TFCP2L1: variants seen among roughly 807,000 people sequenced by gnomAD.
TFCP2L1 encodes the protein transcription factor CP2 like 1.
In TFCP2L1, 12 loss-of-function variants were observed where a neutral mutation model predicts 72.2. The observed-to-expected ratio is 0.17, with a 90% CI of 0.11 to 0.27. The LOEUF (loss-of-function observed/expected upper bound fraction) is 0.27, where lower values mean the gene tolerates loss of function less well. Among genes scored for constraint, TFCP2L1 ranks in the 10% least tolerant of loss-of-function variants. The pLI is 1.00. For missense variants in TFCP2L1, 488 were observed against 624.6 expected (o/e 0.78, Z 2.33); for synonymous variants, 260 against 251.0 (o/e 1.04, Z -0.34).
chr2:121,234,485 C>T (rs1277141260), intron 11 of TFCP2L1, among the ~76,000 whole-genome samples: 1 of 152,172 alleles, frequency 6.6e-6, no homozygotes, highest in African/African-American at 2.4e-5. Flanking sequence ...TCAGAACATG[C>T]GTAACTCATT....
chr2:121,230,202 G>A (rs767799012), intron 13 of TFCP2L1, among the ~76,000 whole-genome samples: 42 of 152,018 alleles, frequency 2.8e-4, no homozygotes, highest in Non-Finnish European at 4.3e-4. Flanking sequence ...ATGGAGTTTC[G>A]CTTTTGTTGC....
intron 2 of TFCP2L1, among the ~76,000 whole-genome samples, chr2:121,278,052 C>T (rs1273984635): frequency 6.1e-5 from 8 of 131,636 alleles, no homozygotes; most frequent in African/African-American, 1.7e-4. Flanking sequence ...TTTTTTGAGA[C>T]GGAGTCTCGC....
chr2:121,257,793 CAT>C (rs1686757292), intron 2 of TFCP2L1, among the ~76,000 whole-genome samples: 1 of 152,178 alleles, frequency 6.6e-6, no homozygotes, highest in East Asian at 1.9e-4. Flanking sequence ...TTGGAATTTT[CAT>C]ATAATTTTTC....
rs1188452245 is a variant in TFCP2L1 at position 121,246,824 on chromosome 2, C to T, written c.651G>A (p.Val217=). 2.5e-6 allele frequency: 4 copies of T among 1,614,080 alleles called. No homozygotes were observed. In the African/African-American group the frequency reaches 4.0e-5, roughly 16 times the overall value. ...HLHSASCQIK[V]FKPKGADRKQ... ...GCCTGCGAAGCCATCCTACCTTGAA[C>T]ACCTTGATCTGGCAGCTGGCTGAGT... Residue 217 remains valine, a synonymous_variant, in exon 6 of 15, where the codon GTG becomes GTA. Transcript: ENST00000263707.
Position 121,237,846 on chromosome 2 carries a change from C to A in TFCP2L1, c.865G>T (p.Ala289Ser), listed in dbSNP as rs201414273. 1.9e-6 allele frequency: 3 copies of A among 1,613,914 alleles called. No individual in the cohort carries two copies. The highest frequency in any genetic ancestry group is 4.5e-5 in the East Asian group (2 of 44,876). The change falls in exon 9 of 15, where the codon GCC (alanine) becomes TCC (serine). Residue 289 changes from alanine to serine, a missense_variant. Coordinates refer to ENST00000263707, the MANE Select transcript of TFCP2L1 (RefSeq NM_014553.3). ...GCCTCCACCGGGTGGGTCGGAGAGG[C>A]GTTGCTGCAAGGAAAAGGAACCAGT... Reference protein sequence around the residue: ...PNSFGLGEGNASPTHPVEALP... With the variant: ...PNSFGLGEGNSSPTHPVEALP...
At chr2:121,278,717 G>T (rs190455627) in intron 2 of TFCP2L1, among the ~76,000 whole-genome samples, 1 of 146,784 alleles carries the variant, frequency 6.8e-6, no homozygotes, top group Non-Finnish European at 1.5e-5. Flanking sequence ...AAACACCTAG[G>T]GGGTGGCCAG....
At chr2:121,278,796 G>C (rs545769089) in intron 2 of TFCP2L1, among the ~76,000 whole-genome samples, 1 of 151,830 alleles carries the variant, frequency 6.6e-6, no homozygotes, top group Non-Finnish European at 1.5e-5. Context: ...TTGAGGCCAG[G>C]AGTTCAAGAC....
chr2:121,234,973 C>T (rs1374055770), intron 11 of TFCP2L1, among the ~76,000 whole-genome samples: 3 of 152,260 alleles, frequency 2.0e-5, no homozygotes, highest in African/African-American at 7.2e-5. Flanking sequence ...CTCGTCCAAC[C>T]AAGAAGAGGG....
intron 1 of TFCP2L1, 74 bp downstream of exon 1, chr2:121,284,974 C>T (rs1687337977): frequency 1.5e-6 from 2 of 1,327,536 alleles, no homozygotes; most frequent in Non-Finnish European, 9.7e-7. Flanking sequence ...GCCCCCTCTC[C>T]GCCCCTGGAC....
rs1686560770 is a variant in TFCP2L1 at position 121,249,478 on chromosome 2, C to T, written c.291+93G>A. 4.1e-6 allele frequency: 5 copies of T among 1,214,732 alleles called. No homozygotes were observed. In the Admixed American group the frequency reaches 8.8e-5, roughly 21 times the overall value. 75.2% of individuals were successfully genotyped at this position (1,214,732 alleles called of 1,614,324 possible). A position where few individuals can be genotyped will look rare whatever the true frequency, so the allele number is the denominator to read the frequency against. ...TGAACCCGGCCTCTCCCTAACCTTC[C>T]AGCTACCCGTGCCCAACCCCAGCAA... On this transcript the variant is annotated intron_variant, in intron 3 of 14. Transcript: ENST00000263707.
rs1686273959 is a variant in TFCP2L1, at chr2:121,237,474, G to T, written c.1003+149C>A. The T allele has an allele frequency of 4.7e-6, 4 of 851,834 alleles. 1 individual carries two copies. The South Asian group carries it at 6.5e-5, about 14-fold the overall frequency. 52.8% of individuals were successfully genotyped at this position (851,834 alleles called of 1,614,324 possible). A position where few individuals can be genotyped will look rare whatever the true frequency, so the allele number is the denominator to read the frequency against. On this transcript the variant is annotated intron_variant, in intron 10 of 14. Transcript: ENST00000263707. ...TGTCCAGCACTTGGCCCAGGGTTGG[G>T]GCACGTGAGCGAGCGAACCCACACT...
intron 7 of TFCP2L1, among the ~76,000 whole-genome samples, chr2:121,242,015 G>A (rs1024904794): frequency 6.7e-6 from 1 of 148,152 alleles, no homozygotes; most frequent in Non-Finnish European, 1.5e-5. Flanking sequence ...GGCACTGGGA[G>A]GGATATTTTC....
chr2:121,273,749 G>A (rs1468717785), intron 2 of TFCP2L1, among the ~76,000 whole-genome samples: 1 of 152,180 alleles, frequency 6.6e-6, no homozygotes, highest in Non-Finnish European at 1.5e-5. Context: ...GAATAATGCA[G>A]TAACTACCAT....
chr2:121,284,388 C>G (rs569150818), intron 1 of TFCP2L1, among the ~76,000 whole-genome samples: 1 of 152,340 alleles, frequency 6.6e-6, no homozygotes, highest in Non-Finnish European at 1.5e-5. Flanking sequence ...TAAGAGGGGC[C>G]TGTGGGGAAC....
intron 9 of TFCP2L1, 24 bp downstream of exon 9, chr2:121,237,778 A>G (rs369112431): frequency 1.9e-6 from 3 of 1,614,014 alleles, no homozygotes; most frequent in Non-Finnish European, 2.5e-6. Context: ...ACCACCAGCC[A>G]GAAAGCCCTG....
At chr2:121,227,720 T>TACGCGC (rs1553431253) in intron 13 of TFCP2L1, among the ~76,000 whole-genome samples, 2 of 147,314 alleles carry the variant, frequency 1.4e-5, no homozygotes, top group African/African-American at 5.0e-5. Context: ...AAACATACAA[T>TACGCGC]ACACACACAC....
At chr2:121,281,382 G>T in intron 1 of TFCP2L1, 111 bp from the exon 2 acceptor site, 1 of 1,252,504 alleles carries the variant, frequency 8.0e-7, no homozygotes, top group Non-Finnish European at 1.1e-6. Context: ...GGGTGACACG[G>T]CACGCGCATC....
At chr2:121,244,291 C>T (rs992021509) in intron 6 of TFCP2L1, among the ~76,000 whole-genome samples, 2 of 152,234 alleles carry the variant, frequency 1.3e-5, no homozygotes, top group African/African-American at 4.8e-5. Flanking sequence ...ACCCCACACA[C>T]AGTCCCAGGG....
chr2:121,238,429 G>C (rs1230711875), intron 8 of TFCP2L1, among the ~76,000 whole-genome samples: 3 of 152,182 alleles, frequency 2.0e-5, no homozygotes, highest in East Asian at 3.9e-4. Flanking sequence ...GGCCAGGTTG[G>C]GGATGAGGCA....
Sources: allele counts gnomAD v4.1 joint callset (sites outside exome capture counted in the v4.1 genomes callset), GRCh38; gene constraint gnomAD v4.1.1; transcripts MANE v1.5; gene names NCBI Gene and HGNC (gene_info 2026-07-23, HGNC 2026-07-21).